Variants in ZIM2 observed in about 807,000 individuals in gnomAD.
ZIM2 encodes the protein zinc finger protein 656.
ZIM2 carries 14 observed loss-of-function variants against 38.6 expected under a neutral mutation model. The ratio of observed to expected loss-of-function variants is 0.36; its 90% CI spans 0.24 to 0.57. The LOEUF is 0.57. ZIM2 is among the 20% of genes least tolerant of loss of function. The probability of loss-of-function intolerance (pLI) is 0.81; values close to 1 mark genes in which losing one functional copy is unlikely to be tolerated. For missense variants in ZIM2, 680 were observed against 695.1 expected, an observed-to-expected ratio of 0.98 and a Z score of 0.24; for synonymous variants, 247 against 245.8, an observed-to-expected ratio of 1.00 and a Z score of -0.04.
intron 11 of ZIM2, among the ~76,000 whole-genome samples, chr19:56,780,560 A>G (rs1022629847): frequency 6.6e-6 from 1 of 152,090 alleles, no homozygotes; most frequent in African/African-American, 2.4e-5. Context: ...CTTATTTTCA[A>G]TGGAAGCTTT....
At chr19:56,840,062 G>A (rs1005181216) in intron 1 of ZIM2, among the ~76,000 whole-genome samples, 2 of 152,194 alleles carry the variant, frequency 1.3e-5, no homozygotes, top group Non-Finnish European at 2.9e-5. Flanking sequence ...GCACGCCGGC[G>A]CCGCGAGGCC....
At chr19:56,786,947 G>A (rs1250644255) in intron 10 of ZIM2, among the ~76,000 whole-genome samples, 4 of 152,018 alleles carry the variant, frequency 2.6e-5, no homozygotes, top group East Asian at 1.9e-4. Context: ...AGCAATTCTC[G>A]TGCCTCAGCC....
At chr19:56,793,830 A>G (rs2047062701) in intron 9 of ZIM2, among the ~76,000 whole-genome samples, 1 of 152,202 alleles carries the variant, frequency 6.6e-6, no homozygotes, top group Non-Finnish European at 1.5e-5. Flanking sequence ...TCAAAAAAAA[A>G]AGGTCTGTAT....
Position 56,808,519 on chromosome 19 carries a change from T to G in ZIM2, c.490+9227A>C, listed in dbSNP as rs2047875043. Among the ~76,000 whole-genome samples the G allele has an allele frequency of 2.0e-5, 3 of 152,126 alleles. No individual in the cohort carries two copies. The South Asian group carries it at 6.2e-4, about 32-fold the overall frequency. Reference sequence around the variant, plus strand: ...CTGCCCTTTCTGTGGTTAAAAGGGCTTGGTATGATCAATCAATCTGCTGTC... The same window carrying G: ...CTGCCCTTTCTGTGGTTAAAAGGGCGTGGTATGATCAATCAATCTGCTGTC... On this transcript the variant is annotated intron_variant, in intron 9 of 12. Coordinates refer to ENST00000629319, the MANE Select transcript of ZIM2 (RefSeq NM_001387356.1).
At position 56,823,684 on chromosome 19, in the gene ZIM2, G is replaced by A. The variant is rs772538080; in HGVS notation, c.17-5C>T. ...TCACGTCACTGTTGTTGTCGTCTAA[G>A]AGGACACCGGTCGCCAAGTTACTAT... On this transcript the variant is annotated splice_region_variant and splice_polypyrimidine_tract_variant and intron_variant, in intron 4 of 12. Transcript: ENST00000629319. 6.2e-7 allele frequency: 1 copy of A among 1,614,146 alleles called. No homozygotes were observed. The highest frequency in any genetic ancestry group is 1.1e-5 in the South Asian group (1 of 91,078).
chr19:56,813,865 G>A (rs773319950), intron 9 of ZIM2: 3 of 1,614,174 alleles, frequency 1.9e-6, no homozygotes, highest in Admixed American at 1.7e-5. Context: ...GCTGGCATGA[G>A]TTTTCAGGTG....
intron 10 of ZIM2, 39 bp downstream of exon 10, chr19:56,789,833 C>T: frequency 6.8e-7 from 1 of 1,473,440 alleles, no homozygotes; most frequent in Non-Finnish European, 9.2e-7. Flanking sequence ...GATAAGATCC[C>T]CATATTTGAT....
chr19:56,815,971 G>T, intron 9 of ZIM2: 1 of 1,588,168 alleles, frequency 6.3e-7, no homozygotes, highest in Non-Finnish European at 8.6e-7. Flanking sequence ...TCCTTCAGAG[G>T]TGTTCCCTCC....
At position 56,823,690 on chromosome 19, in the gene ZIM2, A is replaced by G. The variant is rs1239099806; in HGVS notation, c.17-11T>C. On this transcript the variant is annotated splice_polypyrimidine_tract_variant and intron_variant, in intron 4 of 12. Coordinates refer to ENST00000629319, the MANE Select transcript of ZIM2 (RefSeq NM_001387356.1). ...CACTGTTGTTGTCGTCTAAGAGGAC[A>G]CCGGTCGCCAAGTTACTATCTCTGG... 1 of 1,614,130 alleles carries G rather than the reference A, an allele frequency of 6.2e-7. No homozygotes were observed. The highest frequency in any genetic ancestry group is 1.7e-5 in the Admixed American group (1 of 60,020).
At position 56,810,749 on chromosome 19, in the gene ZIM2, C is replaced by T. The variant is rs77039306; in HGVS notation, c.490+6997G>A. ...ACATATTTAACACTGTTATCACAAG[C>T]GTGTGCACTGAAACAAGATAGAGGA... On this transcript the variant is annotated intron_variant, in intron 9 of 12. Transcript: ENST00000629319. 2,217 of 983,856 alleles carry T rather than the reference C, an allele frequency of 2.3e-3. 49 individuals are homozygous for T. The African/African-American group carries it at 0.034, about 15-fold the overall frequency. 60.9% of individuals were successfully genotyped at this position (983,856 alleles called of 1,614,324 possible).
In ZIM2 at chr19:56,814,599, G is replaced by A. The variant is rs2059803853; in HGVS notation, c.490+3147C>T. ...ATTCTCCACAGACTGCACATTCAAAGAGTCTCTCTTCGGTCTGACTTCTCT... is the reference window on the plus strand; with the variant it reads ...ATTCTCCACAGACTGCACATTCAAAAAGTCTCTCTTCGGTCTGACTTCTCT... On this transcript the variant is annotated intron_variant, in intron 9 of 12. Coordinates refer to ENST00000629319, the MANE Select transcript of ZIM2 (RefSeq NM_001387356.1). The surrounding 1 kb of genome is among the most constrained non-coding windows in gnomAD (Gnocchi z 5.8). The A allele has an allele frequency of 4.3e-6, 7 of 1,614,154 alleles. No homozygotes were observed. Among genetic ancestry groups the A allele is most frequent in the African/African-American group, 1.3e-5 (1 of 75,040 alleles).
At chr19:56,830,601 G>A (rs1282930091) in intron 2 of ZIM2, among the ~76,000 whole-genome samples, 1 of 152,048 alleles carries the variant, frequency 6.6e-6, no homozygotes, top group Non-Finnish European at 1.5e-5. Flanking sequence ...TGCAACTGAA[G>A]AAAAAGAAAA....
chr19:56,795,268 C>T (rs1322749661), intron 9 of ZIM2, among the ~76,000 whole-genome samples: 1 of 152,180 alleles, frequency 6.6e-6, no homozygotes, highest in Non-Finnish European at 1.5e-5. Flanking sequence ...TCAGACGCAG[C>T]CCTCGCCTCT....
intron 8 of ZIM2, 94 bp from the exon 9 acceptor site, chr19:56,817,932 T>C: frequency 1.1e-6 from 1 of 939,548 alleles, no homozygotes; most frequent in Non-Finnish European, 1.7e-6. Context: ...AGCCACTAAA[T>C]ATGAGGTGGC....
chr19:56,796,941 TA>T (rs1349067809), intron 9 of ZIM2, among the ~76,000 whole-genome samples: 1 of 152,196 alleles, frequency 6.6e-6, no homozygotes, highest in Non-Finnish European at 1.5e-5. Context: ...ACGTAAAGAC[TA>T]AACTAAGCTG....
chr19:56,821,123 T>C (rs1389962448), intron 7 of ZIM2, among the ~76,000 whole-genome samples: 2 of 152,252 alleles, frequency 1.3e-5, no homozygotes, highest in Admixed American at 6.5e-5. Flanking sequence ...TATGTATGTG[T>C]GTGAGTGACT....
rs758701374 is a variant in ZIM2 at position 56,814,019 on chromosome 19, G to T, written c.490+3727C>A. On this transcript the variant is annotated intron_variant, in intron 9 of 12. Coordinates refer to ENST00000629319, the MANE Select transcript of ZIM2 (RefSeq NM_001387356.1). This position sits in a 1 kb window ranked among gnomAD's most constrained non-coding sequence, Gnocchi z 5.8. ...TCAGGCTCGTCGGCATCTCCCTCTG[G>T]CTCTTCAGCTTTTCCCTCTGGCTCT... The T allele has an allele frequency of 6.2e-7, 1 of 1,613,226 alleles. No homozygotes were observed. The highest frequency in any genetic ancestry group is 1.1e-5 in the South Asian group (1 of 90,996).
intron 12 of ZIM2, among the ~76,000 whole-genome samples, chr19:56,778,032 C>T (rs558696257): frequency 6.6e-6 from 1 of 152,296 alleles, no homozygotes; most frequent in Admixed American, 6.5e-5. Flanking sequence ...GTCAGCCCCC[C>T]ATCTCATTCA....
chr19:56,822,704 A>G (rs775584608), intron 6 of ZIM2, 49 bp downstream of exon 6: 2 of 1,606,088 alleles, frequency 1.2e-6, no homozygotes, highest in Non-Finnish European at 1.7e-6. Context: ...ACCTGTGCAC[A>G]GCACATGCTC....
Sources: gnomAD v4.1 joint callset for allele counts (sites outside exome capture counted in the v4.1 genomes callset) on GRCh38, gnomAD v4.1.1 for gene constraint, Gnocchi (gnomAD v3.1) non-coding constraint, MANE v1.5 for transcripts, NCBI Gene and HGNC (gene_info 2026-07-23, HGNC 2026-07-21) for gene names.